The following SCLT1 variants were observed in gnomAD, a reference collection of about 807,000 sequenced individuals.
The protein encoded by SCLT1 is sodium channel and clathrin linker 1, also known as sodium channel-associated protein 1.
In SCLT1, 78 loss-of-function variants were observed where a neutral mutation model predicts 112.8. The observed-to-expected ratio is 0.69, with a 90% CI of 0.58 to 0.83. The LOEUF (loss-of-function observed/expected upper bound fraction) is 0.83. SCLT1 is among the 40% of genes least tolerant of loss of function. The pLI is 0.00. For missense variants in SCLT1, 747 were observed against 770.4 expected, an observed-to-expected ratio of 0.97 and a Z score of 0.36; for synonymous variants, 257 against 254.7, an observed-to-expected ratio of 1.01 and a Z score of -0.09.
intron 1 of SCLT1, among the ~76,000 whole-genome samples, chr4:129,084,800 G>A (rs1752253998): frequency 1.3e-5 from 2 of 152,096 alleles, no homozygotes. Context: ...AATGGTGCTC[G>A]GATAACCGGC....
At chr4:129,003,445 A>AG (rs1743702642) in intron 6 of SCLT1, among the ~76,000 whole-genome samples, 1 of 151,510 alleles carries the variant, frequency 6.6e-6, no homozygotes, top group Non-Finnish European at 1.5e-5. Flanking sequence ...AAAAAAAAAA[A>AG]AAGAAAAAGA....
chr4:129,093,305 T>C lies in SCLT1; in HGVS notation c.-202A>G. 2 of 603,928 alleles carry C rather than the reference T, an allele frequency of 3.3e-6. No individual in the cohort carries two copies. The highest frequency in any genetic ancestry group is 2.0e-5 in the South Asian group (1 of 50,786). 37.4% of individuals were successfully genotyped at this position (603,928 alleles called of 1,614,324 possible). A position where few individuals can be genotyped will look rare whatever the true frequency, so the allele number is the denominator to read the frequency against. ...CGCGCCCCAGACGAGTCCCTGGCCC[T>C]GGTGAGAGACTGAAGATTGCTGGGG... On this transcript the variant is annotated 5_prime_UTR_variant, in exon 1 of 21. Transcript: ENST00000281142.
intron 10 of SCLT1, among the ~76,000 whole-genome samples, chr4:128,968,659 A>G (rs1740415948): frequency 6.6e-6 from 1 of 152,190 alleles, no homozygotes; most frequent in African/African-American, 2.4e-5. Flanking sequence ...TCAATAGTGT[A>G]GATAATACAT....
chr4:128,901,110 A>T (rs4975279), intron 18 of SCLT1, among the ~76,000 whole-genome samples: 110,461 of 151,992 alleles, frequency 0.73, 40,448 homozygotes, highest in African/African-American at 0.82. Context: ...GAAGTCAGTG[A>T]GGCAATTCCT....
At chr4:129,026,692 A>G (rs1746122152) in intron 5 of SCLT1, among the ~76,000 whole-genome samples, 1 of 152,202 alleles carries the variant, frequency 6.6e-6, no homozygotes, top group African/African-American at 2.4e-5. Flanking sequence ...GCAAGAAATA[A>G]CTAAGATCAG....
At chr4:128,956,743 C>T (rs1204989982) in intron 13 of SCLT1, among the ~76,000 whole-genome samples, 3 of 151,800 alleles carry the variant, frequency 2.0e-5, no homozygotes, top group African/African-American at 7.3e-5. Flanking sequence ...AATAATATTG[C>T]CCACAAAAAA....
chr4:129,061,180 G>C (rs938708010), intron 2 of SCLT1, among the ~76,000 whole-genome samples: 1 of 152,186 alleles, frequency 6.6e-6, no homozygotes, highest in South Asian at 2.1e-4. Context: ...ATAGACCCTA[G>C]GATGGTAAGG....
chr4:128,990,609 A>C (rs1742479208), intron 9 of SCLT1, among the ~76,000 whole-genome samples: 1 of 151,944 alleles, frequency 6.6e-6, no homozygotes, highest in Non-Finnish European at 1.5e-5. Flanking sequence ...CAGACAAGGG[A>C]AAGAAATGAA....
At chr4:128,910,768 C>G (rs766680406) in intron 18 of SCLT1, among the ~76,000 whole-genome samples, 4 of 151,990 alleles carry the variant, frequency 2.6e-5, no homozygotes, top group Non-Finnish European at 4.4e-5. Flanking sequence ...GATTTTCTAT[C>G]TTTTTAACAT....
At chr4:128,926,374 C>G (rs969381620) in intron 18 of SCLT1, among the ~76,000 whole-genome samples, 2 of 152,116 alleles carry the variant, frequency 1.3e-5, no homozygotes, top group African/African-American at 4.8e-5. Context: ...ACTGCATAAA[C>G]TCTTGATGTT....
intron 9 of SCLT1, among the ~76,000 whole-genome samples, chr4:128,984,786 A>G (rs1741949462): frequency 6.6e-6 from 1 of 151,822 alleles, no homozygotes; most frequent in African/African-American, 2.4e-5. Context: ...ACCTATTATC[A>G]TTATCAGCTG....
intron 9 of SCLT1, among the ~76,000 whole-genome samples, chr4:128,984,896 T>A (rs554413525): frequency 9.3e-4 from 141 of 152,050 alleles, no homozygotes; most frequent in African/African-American, 3.2e-3. Flanking sequence ...ATGTGATATA[T>A]CCTCAGATAT....
intron 2 of SCLT1, among the ~76,000 whole-genome samples, chr4:129,079,654 C>A (rs1045067248): frequency 1.3e-5 from 2 of 152,214 alleles, no homozygotes; most frequent in African/African-American, 4.8e-5. Context: ...GCACATAGTG[C>A]AAGCTGTTGG....
intron 11 of SCLT1, among the ~76,000 whole-genome samples, chr4:128,960,713 G>A (rs1447873900): frequency 2.6e-5 from 4 of 151,594 alleles, no homozygotes; most frequent in African/African-American, 7.3e-5. Flanking sequence ...GAGGTCAGGA[G>A]ATCGAGACCA....
intron 6 of SCLT1, 61 bp from the exon 7 acceptor site, chr4:128,999,855 A>G: frequency 8.8e-7 from 1 of 1,135,106 alleles, no homozygotes; most frequent in Non-Finnish European, 1.2e-6. Flanking sequence ...TATAGTACAA[A>G]TGGATCATTT....
At chr4:128,899,048 A>G (rs1177719941) in intron 18 of SCLT1, among the ~76,000 whole-genome samples, 1 of 152,174 alleles carries the variant, frequency 6.6e-6, no homozygotes, top group Non-Finnish European at 1.5e-5. Context: ...TACCAACCAA[A>G]AAAAGTCCAG....
intron 14 of SCLT1, among the ~76,000 whole-genome samples, chr4:128,951,764 G>T (rs1465311314): frequency 6.6e-6 from 1 of 152,074 alleles, no homozygotes; most frequent in Admixed American, 6.6e-5. Context: ...TGGCCACATT[G>T]CATCTCACTA....
chr4:129,030,767 C>A lies in SCLT1; in HGVS notation c.290+8274G>T, dbSNP rs573428879. On this transcript the variant is annotated intron_variant, in intron 5 of 20. Transcript: ENST00000281142. ...TCCCAAGACTAAACCAGGAAGAAGT[C>A]GAATCCTTGAATAGACCAAAAACAA... is the stretch of plus-strand genomic sequence containing the variant. Among the ~76,000 whole-genome samples the A allele has an allele frequency of 1.3e-4, 20 of 152,132 alleles. No homozygotes were observed. The South Asian group carries it at 4.2e-3, about 32-fold the overall frequency.
intron 18 of SCLT1, among the ~76,000 whole-genome samples, chr4:128,914,597 G>A (rs554833157): frequency 5.9e-5 from 9 of 152,164 alleles, no homozygotes; most frequent in African/African-American, 1.7e-4. Context: ...TAGGAGTAGC[G>A]GGGATGAAGG....
Sources: gnomAD v4.1 joint callset for allele counts (sites outside exome capture counted in the v4.1 genomes callset) on GRCh38, gnomAD v4.1.1 for gene constraint, MANE v1.5 for transcripts, NCBI Gene and HGNC (gene_info 2026-07-23, HGNC 2026-07-21) for gene names.